Variants in ZC3HAV1 observed in about 807,000 individuals in gnomAD.
ZC3HAV1 encodes zinc finger CCCH-type antiviral protein 1.
In ZC3HAV1, 41 loss-of-function variants were observed where a neutral mutation model predicts 86.6. The observed-to-expected ratio is 0.47, with a 90% CI of 0.37 to 0.61. ZC3HAV1 has a LOEUF of 0.61. Among genes scored for constraint, ZC3HAV1 ranks in the 20% least tolerant of loss-of-function variants. The probability of loss-of-function intolerance (pLI) is 0.00; values close to 1 mark genes in which losing one functional copy is unlikely to be tolerated. For missense variants in ZC3HAV1, 964 were observed against 1,141.1 expected (o/e 0.84, Z 2.24); for synonymous variants, 421 against 432.1 (o/e 0.97, Z 0.32).
chr7:139,075,459 G>T (rs548438076), intron 6 of ZC3HAV1, among the ~76,000 whole-genome samples: 3 of 152,122 alleles, frequency 2.0e-5, no homozygotes, highest in Admixed American at 1.3e-4. Flanking sequence ...TTGAGACAGG[G>T]TCTCACTCTG....
At chr7:139,073,700 A>G (rs1816848293) in intron 7 of ZC3HAV1, among the ~76,000 whole-genome samples, 156 bp downstream of exon 7, 1 of 152,294 alleles carries the variant, frequency 6.6e-6, no homozygotes, top group African/African-American at 2.4e-5. Flanking sequence ...CATGTTGGCC[A>G]GGCTGGTCTC....
At chr7:139,062,449 G>C (rs1280326629) in intron 8 of ZC3HAV1, among the ~76,000 whole-genome samples, 3 of 152,226 alleles carry the variant, frequency 2.0e-5, no homozygotes, top group Non-Finnish European at 2.9e-5. Context: ...CACAGGCAGA[G>C]GCTGGTCTAT....
At chr7:139,087,003 T>G (rs893929994) in intron 2 of ZC3HAV1, among the ~76,000 whole-genome samples, 5 of 152,206 alleles carry the variant, frequency 3.3e-5, no homozygotes, top group Admixed American at 3.3e-4. Context: ...ACTGTCCTTA[T>G]TCTCCAGGAA....
chr7:139,080,000 T>C lies in ZC3HAV1; in HGVS notation c.941A>G (p.Lys314Arg), dbSNP rs1464932416. 6.2e-7 allele frequency: 1 copy of C among 1,614,168 alleles called. No homozygotes were observed. The highest frequency in any genetic ancestry group is 1.7e-5 in the Admixed American group (1 of 60,018). The change falls in exon 4 of 13, where the codon AAG becomes AGG. Residue 314 changes from lysine to arginine, a missense_variant. Physicochemically the swap from Lys to Arg is conservative, Grantham distance 26 (BLOSUM62 2). Transcript: ENST00000242351. ...ACTTGTTCCTCCAAGATCAGTAGCC[T>C]TGGACGAGCCTGAGGGAGGCCGAGC... ...DRARPPSGSS[K>R]ATDLGGTSQA...
rs1306395141 is a variant in ZC3HAV1 at position 139,083,682 on chromosome 7, A to T, written c.697+98T>A. On this transcript the variant is annotated intron_variant, in intron 3 of 12. Transcript: ENST00000242351. ...GCAGAGGTTGCAGTGAGCTGAGATC[A>T]CGCCACTGTACTCCAGCTTGGGTGA... The T allele has an allele frequency of 2.8e-6, 4 of 1,436,204 alleles. No individual in the cohort carries two copies. The African/African-American group carries it at 5.9e-5, about 21-fold the overall frequency. 89.0% of individuals were successfully genotyped at this position (1,436,204 alleles called of 1,614,324 possible). A position where few individuals can be genotyped will look rare whatever the true frequency, so the allele number is the denominator to read the frequency against.
rs946186290 is a variant in ZC3HAV1, at chr7:139,047,505, T to C, written c.*89A>G. ...GACATTAGATAACTGAGCAGGAAAA[T>C]ATAAAACTTTAACTCCTGTCTGCGG... On this transcript the variant is annotated 3_prime_UTR_variant, in exon 13 of 13. Coordinates refer to ENST00000242351, the MANE Select transcript of ZC3HAV1 (RefSeq NM_020119.4). 9 of 1,560,616 alleles carry C rather than the reference T, an allele frequency of 5.8e-6. No homozygotes were observed. In the African/African-American group the frequency reaches 8.3e-5, roughly 14 times the overall value.
At chr7:139,060,994 T>C in intron 9 of ZC3HAV1, 42 bp downstream of exon 9, 3 of 1,612,028 alleles carry the variant, frequency 1.9e-6, no homozygotes, top group Non-Finnish European at 2.5e-6. Context: ...GGCATGAACA[T>C]CTCAAGCATC....
In ZC3HAV1 at chr7:139,109,327, G is replaced by T; in HGVS notation, c.5C>A (p.Ala2Glu). Residue 2 changes from alanine (A) to glutamate (E), a missense_variant, in exon 1 of 13, where the codon GCG (alanine) becomes GAG (glutamate). Physicochemically the swap from Ala to Glu is moderately radical, Grantham distance 107. Transcript: ENST00000242351. MADPEVCCFITK... is the reference protein window; with the variant it reads MEDPEVCCFITK... ...GATGAAGCAGCACACCTCCGGGTCC[G>T]CCATGGCGCGCTGGCTGTGCTGGCT... 6.3e-7 allele frequency: 1 copy of T among 1,580,724 alleles called. No individual in the cohort carries two copies. Among genetic ancestry groups the T allele is most frequent in the South Asian group, 1.1e-5 (1 of 87,960 alleles).
chr7:139,103,272 T>G (rs1452199320), intron 1 of ZC3HAV1, among the ~76,000 whole-genome samples: 1 of 150,318 alleles, frequency 6.7e-6, no homozygotes, highest in Non-Finnish European at 1.5e-5. Context: ...TTTATTTTTT[T>G]ATTTTTTTTT....
rs35425692 is a variant in ZC3HAV1, at chr7:139,087,415, C to CAG, written c.444+2207_444+2208dup. Among the ~76,000 whole-genome samples, 935 of 133,966 alleles carry CAG rather than the reference C, an allele frequency of 7.0e-3. 7 individuals carry two copies. Among genetic ancestry groups the CAG allele is most frequent in the East Asian group, 0.019 (90 of 4,620 alleles). The allele number at this position is 133,966 out of a possible 152,430, so 87.9% of individuals were successfully genotyped here. ...AGAGAGAGAGACAGAGGGACAGAGA[C>CAG]AGAGAGAGAGAGAGAGAGAGGGAGA... On this transcript the variant is annotated intron_variant, in intron 2 of 12. Coordinates refer to ENST00000242351, the MANE Select transcript of ZC3HAV1 (RefSeq NM_020119.4).
chr7:139,089,865 T>G (rs780968153), intron 1 of ZC3HAV1, 106 bp from the exon 2 acceptor site: 1 of 1,252,406 alleles, frequency 8.0e-7, no homozygotes, highest in Non-Finnish European at 1.1e-6. Flanking sequence ...CCATATTCTC[T>G]GACAACAGAC....
At chr7:139,075,071 CTGGTGGGGGGG>C (rs57912785) in intron 6 of ZC3HAV1, among the ~76,000 whole-genome samples, 28,617 of 151,962 alleles carry the variant, frequency 0.19, 3,259 homozygotes, top group East Asian at 0.42. Context: ...ACCAGTGGGG[CTGGTGGGGGGG>C]TGGTGCTTCC....
intron 8 of ZC3HAV1, among the ~76,000 whole-genome samples, chr7:139,063,928 G>C (rs1263849361): frequency 3.3e-5 from 5 of 152,092 alleles, no homozygotes; most frequent in Admixed American, 6.6e-5. Flanking sequence ...TTTTGGTCTA[G>C]TATTCTTCGG....
intron 6 of ZC3HAV1, among the ~76,000 whole-genome samples, chr7:139,075,478 G>C (rs957646584): frequency 2.6e-5 from 4 of 152,140 alleles, no homozygotes; most frequent in Admixed American, 2.6e-4. Context: ...TGTCACCCAG[G>C]CTGGAGTGTG....
At position 139,089,618 on chromosome 7, in the gene ZC3HAV1, A is replaced by G. The variant is rs779510520; in HGVS notation, c.444+6T>C. On this transcript the variant is annotated splice_donor_region_variant and intron_variant, in intron 2 of 12. Coordinates refer to ENST00000242351, the MANE Select transcript of ZC3HAV1 (RefSeq NM_020119.4). Reference sequence around the variant, plus strand: ...TCCCTCCTTAAACTGAGGAATCACAACTTACCTCGGGCATAAAAAAAGGAT... The same window carrying G: ...TCCCTCCTTAAACTGAGGAATCACAGCTTACCTCGGGCATAAAAAAAGGAT... The G allele has an allele frequency of 6.2e-6, 10 of 1,601,952 alleles. No individual in the cohort carries two copies. Among genetic ancestry groups the G allele is most frequent in the Non-Finnish European group, 7.7e-6 (9 of 1,175,722 alleles).
In ZC3HAV1 at chr7:139,047,481, A is replaced by G. The variant is rs1054430543; in HGVS notation, c.*113T>C. The G allele has an allele frequency of 9.4e-5, 136 of 1,450,332 alleles. No individual in the cohort carries two copies. Among genetic ancestry groups the G allele is most frequent in the Admixed American group, 2.1e-5 (1 of 47,774 alleles). The allele number at this position is 1,450,332 out of a possible 1,614,324, so 89.8% of individuals were successfully genotyped here. A position where few individuals can be genotyped will look rare whatever the true frequency, so the allele number is the denominator to read the frequency against. On this transcript the variant is annotated 3_prime_UTR_variant, in exon 13 of 13. Transcript: ENST00000242351. ...AAAATTTGGGGACCACTGATCTAAGACATTAGATAACTGAGCAGGAAAATA... is the reference window on the plus strand; with the variant it reads ...AAAATTTGGGGACCACTGATCTAAGGCATTAGATAACTGAGCAGGAAAATA...
Position 139,097,792 on chromosome 7 carries a change from G to C in ZC3HAV1, c.309-8033C>G, listed in dbSNP as rs183190344. ...TTTTCAGCCCAGAAAAGTATTGCCT[G>C]GGCTGAAAGGGCTGGAGGAGTGGGG... On this transcript the variant is annotated intron_variant, in intron 1 of 12. Transcript: ENST00000242351. 4.6e-5 allele frequency among the ~76,000 whole-genome samples: 7 copies of C among 151,822 alleles called. No individual in the cohort carries two copies. The East Asian group carries it at 1.4e-3, about 30-fold the overall frequency.
At chr7:139,080,356 T>C in intron 3 of ZC3HAV1, 113 bp from the exon 4 acceptor site, 1 of 1,304,396 alleles carries the variant, frequency 7.7e-7, no homozygotes, top group Non-Finnish European at 1.1e-6. Flanking sequence ...ATCCAAGTGC[T>C]ATCAAATTAC....
At chr7:139,053,661 T>C (rs1816201063) in intron 11 of ZC3HAV1, 80 bp from the exon 12 acceptor site, 1 of 1,474,146 alleles carries the variant, frequency 6.8e-7, no homozygotes, top group African/African-American at 1.4e-5. Context: ...AGCTAAAGTC[T>C]AATCATCTAA....
Sources: allele counts gnomAD v4.1 joint callset (sites outside exome capture counted in the v4.1 genomes callset), GRCh38; gene constraint gnomAD v4.1.1; transcripts MANE v1.5; gene names NCBI Gene and HGNC (gene_info 2026-07-23, HGNC 2026-07-21).